LSM11: variants seen among roughly 807,000 people sequenced by gnomAD.
LSM11 encodes the protein U7 snRNA-associated Sm-like protein LSm11.
Under a neutral mutation model 28.1 loss-of-function variants are expected in LSM11, and 14 were observed. The ratio of observed to expected loss-of-function variants is 0.50; its 90% CI spans 0.33 to 0.78. LSM11 has a LOEUF of 0.78. LSM11 is among the 30% of genes least tolerant of loss of function. The pLI is 0.02. For synonymous variants in LSM11, 207 were observed against 214.2 expected (o/e 0.97, Z 0.30); for missense variants, 495 against 510.6 (o/e 0.97, Z 0.30).
At chr5:157,753,295 A>G (rs951562100) in intron 2 of LSM11, among the ~76,000 whole-genome samples, 1 of 151,524 alleles carries the variant, frequency 6.6e-6, no homozygotes, top group Admixed American at 6.6e-5. Context: ...AAATGCAGGG[A>G]AAAATGTTTT....
At chr5:157,754,132 C>T (rs1761284233) in intron 3 of LSM11, 45 bp downstream of exon 3, 11 of 1,332,446 alleles carry the variant, frequency 8.3e-6, no homozygotes, top group Non-Finnish European at 1.1e-5. Flanking sequence ...TCATGCTTTC[C>T]AGCTTAGGAA....
chr5:157,744,589 T>C (rs1329622798), intron 1 of LSM11, among the ~76,000 whole-genome samples: 1 of 151,798 alleles, frequency 6.6e-6, no homozygotes, highest in Non-Finnish European at 1.5e-5. Flanking sequence ...CTACAGAGTT[T>C]GGGGGACATC....
intron 1 of LSM11, among the ~76,000 whole-genome samples, chr5:157,750,113 G>A (rs903705671): frequency 2.4e-4 from 37 of 152,208 alleles, no homozygotes; most frequent in Admixed American, 1.6e-3. Context: ...GATTGGGGGT[G>A]CGTAGTGCGT....
Position 157,756,428 on chromosome 5 carries a change from A to G in LSM11, c.*1164A>G, listed in dbSNP as rs565533667. On this transcript the variant is annotated 3_prime_UTR_variant, in exon 4 of 4. Coordinates refer to ENST00000286307, the MANE Select transcript of LSM11 (RefSeq NM_173491.4). ...GTGCAGAATAGGCTGCATTTGACAC[A>G]GACTGTTAGGCAATATTGATTTTTT... is the stretch of plus-strand genomic sequence containing the variant. 1.3e-5 allele frequency: 2 copies of G among 152,776 alleles called. No individual in the cohort carries two copies. The highest frequency in any genetic ancestry group is 1.9e-4 in the East Asian group (1 of 5,180). The allele number at this position is 152,776 out of a possible 1,614,324, so 9.5% of individuals were successfully genotyped here.
At position 157,756,013 on chromosome 5, in the gene LSM11, TTC is replaced by T. The variant is rs1163593870; in HGVS notation, c.*751_*752del. The T allele has an allele frequency of 3.7e-6, 1 of 269,774 alleles. No homozygotes were observed. Among genetic ancestry groups the T allele is most frequent in the Non-Finnish European group, 6.9e-6 (1 of 145,094 alleles). 16.7% of individuals were successfully genotyped at this position (269,774 alleles called of 1,614,324 possible). On this transcript the variant is annotated 3_prime_UTR_variant, in exon 4 of 4. Transcript: ENST00000286307. ...GTGGCTTCTTGTCCTTCTCTTTGAC[TTC>T]TGTGGCATGGTGCTAGTGCATGTAC...
chr5:157,744,678 G>T (rs111657895), intron 1 of LSM11, among the ~76,000 whole-genome samples: 1 of 152,116 alleles, frequency 6.6e-6, no homozygotes, highest in Non-Finnish European at 1.5e-5. Context: ...CGGGAGACGT[G>T]GGGGAGCGCA....
At position 157,758,540 on chromosome 5, in the gene LSM11, A is replaced by G. The variant is rs1761366312; in HGVS notation, c.*3276A>G. On this transcript the variant is annotated 3_prime_UTR_variant, in exon 4 of 4. Transcript: ENST00000286307. ...TATGGAAATAACTGAAGACTTCCTC[A>G]GGAGAAGGAAAGAAAATGAGGAACA... 1 of 152,240 alleles carries G rather than the reference A, an allele frequency of 6.6e-6. No homozygotes were observed. The highest frequency in any genetic ancestry group is 6.5e-5 in the Admixed American group (1 of 15,292). The allele number at this position is 152,240 out of a possible 1,614,324, so 9.4% of individuals were successfully genotyped here. A position where few individuals can be genotyped will look rare whatever the true frequency, so the allele number is the denominator to read the frequency against.
Position 157,754,085 on chromosome 5 carries a change from A to G in LSM11, c.670A>G (p.Arg224Gly). ...ACGGGATTCTTCACTGACTCTCACT[A>G]GGGTAGGCAGTTTTCCCCTGACCTC... is the stretch of plus-strand genomic sequence containing the variant. ...YERDSSLTLT[R>G]LFDRLKLQDS... The change falls in exon 3 of 4, where the codon AGG (arginine) becomes GGG (glycine). Residue 224 changes from arginine to glycine, a missense_variant and splice_region_variant. Transcript: ENST00000286307. 1 of 1,558,330 alleles carries G rather than the reference A, an allele frequency of 6.4e-7. No individual in the cohort carries two copies. Among genetic ancestry groups the G allele is most frequent in the Non-Finnish European group, 8.7e-7 (1 of 1,154,790 alleles).
chr5:157,753,638 A>G (rs768570230), intron 2 of LSM11, among the ~76,000 whole-genome samples: 5 of 152,182 alleles, frequency 3.3e-5, no homozygotes, highest in Non-Finnish European at 7.4e-5. Flanking sequence ...GTTGAAACAA[A>G]AGGTTCCTGG....
chr5:157,746,470 A>T (rs1286552321), intron 1 of LSM11, among the ~76,000 whole-genome samples: 2 of 152,238 alleles, frequency 1.3e-5, no homozygotes, highest in East Asian at 3.8e-4. Flanking sequence ...CAGAGAGGAC[A>T]GTGTGGAATG....
At chr5:157,749,865 A>G (rs1410615114) in intron 1 of LSM11, among the ~76,000 whole-genome samples, 4 of 152,184 alleles carry the variant, frequency 2.6e-5, no homozygotes, top group Non-Finnish European at 4.4e-5. Context: ...TCCATGACAG[A>G]GGGATAAGGT....
intron 1 of LSM11, among the ~76,000 whole-genome samples, chr5:157,746,075 G>A (rs1761141891): frequency 6.6e-6 from 1 of 152,058 alleles, no homozygotes; most frequent in Admixed American, 6.6e-5. Context: ...AAAAACAAAA[G>A]TTGGAAGGGG....
Position 157,755,478 on chromosome 5 carries a change from A to T in LSM11, c.*214A>T, listed in dbSNP as rs925115029. Reference sequence around the variant, plus strand: ...TTGCATTAATATCAAGGCAAAAAGCATTCATAGATACATGCATCTGATTTG... The same window carrying T: ...TTGCATTAATATCAAGGCAAAAAGCTTTCATAGATACATGCATCTGATTTG... On this transcript the variant is annotated 3_prime_UTR_variant, in exon 4 of 4. Coordinates refer to ENST00000286307, the MANE Select transcript of LSM11 (RefSeq NM_173491.4). The T allele has an allele frequency of 1.0e-5, 6 of 580,722 alleles. No individual in the cohort carries two copies. The highest frequency in any genetic ancestry group is 6.4e-5 in the Admixed American group (2 of 31,086). 36.0% of individuals were successfully genotyped at this position (580,722 alleles called of 1,614,324 possible).
At chr5:157,753,500 G>C (rs1206764480) in intron 2 of LSM11, among the ~76,000 whole-genome samples, 2 of 152,178 alleles carry the variant, frequency 1.3e-5, no homozygotes, top group African/African-American at 4.8e-5. Flanking sequence ...GCAATTCTGT[G>C]TGTAACCCTG....
chr5:157,758,769 A>T lies in LSM11; in HGVS notation c.*3505A>T, dbSNP rs928402051. The T allele has an allele frequency of 6.6e-6, 1 of 152,240 alleles. No individual in the cohort carries two copies. The highest frequency in any genetic ancestry group is 1.5e-5 in the Non-Finnish European group (1 of 68,040). The allele number at this position is 152,240 out of a possible 1,614,324, so 9.4% of individuals were successfully genotyped here. A position where few individuals can be genotyped will look rare whatever the true frequency, so the allele number is the denominator to read the frequency against. On this transcript the variant is annotated 3_prime_UTR_variant, in exon 4 of 4. Coordinates refer to ENST00000286307, the MANE Select transcript of LSM11 (RefSeq NM_173491.4). ...CAAAGTAATCTTTAAACATGGGAAT[A>T]TGTTTTCAAGACAATTTATAGGACA... is the stretch of plus-strand genomic sequence containing the variant.
chr5:157,750,674 T>C (rs1761217026), intron 1 of LSM11, among the ~76,000 whole-genome samples: 1 of 152,252 alleles, frequency 6.6e-6, no homozygotes, highest in Admixed American at 6.5e-5. Flanking sequence ...ACAAGGTTTT[T>C]GTTTTTTTGG....
chr5:157,755,716 G>A lies in LSM11; in HGVS notation c.*452G>A, dbSNP rs1307807882. 4.7e-5 allele frequency: 19 copies of A among 401,266 alleles called. No individual in the cohort carries two copies. The highest frequency in any genetic ancestry group is 3.9e-4 in the East Asian group (11 of 28,118). The allele number at this position is 401,266 out of a possible 1,614,324, so 24.9% of individuals were successfully genotyped here. A position where few individuals can be genotyped will look rare whatever the true frequency, so the allele number is the denominator to read the frequency against. ...AATTGCCTTGGAGCCCTGCATCCAC[G>A]TCTTGTAACTAACTTTTGAATTTTG... On this transcript the variant is annotated 3_prime_UTR_variant, in exon 4 of 4. Transcript: ENST00000286307.
rs1328962566 is a variant in LSM11, at chr5:157,748,875, C to T, written c.449-2515C>T. On this transcript the variant is annotated intron_variant, in intron 1 of 3. Coordinates refer to ENST00000286307, the MANE Select transcript of LSM11 (RefSeq NM_173491.4). ...AAGGGGATTGGAAGAGTAACTTTCT[C>T]CAAAGATAAGGCATATGCTTTTTTG... Among the ~76,000 whole-genome samples, 4 of 152,118 alleles carry T rather than the reference C, an allele frequency of 2.6e-5. No individual in the cohort carries two copies. The East Asian group carries it at 5.8e-4, about 22-fold the overall frequency.
intron 3 of LSM11, among the ~76,000 whole-genome samples, chr5:157,754,434 C>T (rs1245586175): frequency 6.6e-6 from 1 of 152,140 alleles, no homozygotes; most frequent in Admixed American, 6.5e-5. Flanking sequence ...TGGCTCATGC[C>T]TGTAATCCCA....
Sources: allele counts gnomAD v4.1 joint callset (sites outside exome capture counted in the v4.1 genomes callset), GRCh38; gene constraint gnomAD v4.1.1; transcripts MANE v1.5; gene names NCBI Gene and HGNC (gene_info 2026-07-23, HGNC 2026-07-21).